Variants in CD109 observed in about 807,000 individuals in gnomAD.
CD109 encodes the protein CD109 molecule.
CD109 carries 149 observed loss-of-function variants against 165.8 expected under a neutral mutation model. The observed-to-expected ratio is 0.90, with a 90% confidence interval of 0.79 to 1.03. The LOEUF (loss-of-function observed/expected upper bound fraction) is 1.03. Among genes scored for constraint, CD109 ranks in the 50% least tolerant of loss-of-function variants. The pLI is 0.00. For synonymous variants in CD109, 585 were observed against 592.1 expected (o/e 0.99, Z 0.18); for missense variants, 1,712 against 1,677.8 (o/e 1.02, Z -0.36).
chr6:73,808,235 A>G lies in CD109; in HGVS notation c.3342A>G (p.Arg1114=). ...AKEALNMLTW[R]AEQEGGMQFW... ...AAGCTTTGAATATGCTGACTTGGAG[A>G]GCAGAACAAGAAGGTAATGTGCTGG... The change falls in exon 26 of 33, where the codon AGA becomes AGG. Residue 1114 remains arginine, a synonymous_variant. Coordinates refer to ENST00000287097, the MANE Select transcript of CD109 (RefSeq NM_133493.5). The G allele has an allele frequency of 1.9e-6, 3 of 1,612,800 alleles. No homozygotes were observed. The highest frequency in any genetic ancestry group is 2.5e-6 in the Non-Finnish European group (3 of 1,179,352).
chr6:73,710,930 C>G (rs535666917), intron 2 of CD109, among the ~76,000 whole-genome samples: 1 of 152,306 alleles, frequency 6.6e-6, no homozygotes, highest in Admixed American at 6.5e-5. Flanking sequence ...ACCAGCAGAA[C>G]TTTATTTATG....
At chr6:73,822,594 A>C (rs961140194) in intron 32 of CD109, among the ~76,000 whole-genome samples, 1 of 152,202 alleles carries the variant, frequency 6.6e-6, no homozygotes, top group Non-Finnish European at 1.5e-5. Context: ...CAACTTTATT[A>C]CTTTACTTAG....
chr6:73,708,975 C>A (rs1771416335), intron 2 of CD109, among the ~76,000 whole-genome samples: 1 of 152,124 alleles, frequency 6.6e-6, no homozygotes. Flanking sequence ...ATGGTAGTTT[C>A]TTTTGCTGTG....
At chr6:73,737,601 T>C (rs893196979) in intron 5 of CD109, among the ~76,000 whole-genome samples, 2 of 152,254 alleles carry the variant, frequency 1.3e-5, no homozygotes, top group Admixed American at 6.5e-5. Flanking sequence ...GCTTATTTCC[T>C]TACTTATAAC....
intron 2 of CD109, among the ~76,000 whole-genome samples, chr6:73,698,998 ATAT>A (rs1354385529): frequency 6.6e-6 from 1 of 152,216 alleles, no homozygotes; most frequent in Non-Finnish European, 1.5e-5. Context: ...ACAATTGCTA[ATAT>A]TATTAGTGTA....
In CD109 at chr6:73,826,492, C is replaced by T. The variant is rs1316276075; in HGVS notation, c.*2859C>T. 1.3e-5 allele frequency: 2 copies of T among 152,132 alleles called. No individual in the cohort carries two copies. The highest frequency in any genetic ancestry group is 6.6e-5 in the Admixed American group (1 of 15,260). 9.4% of individuals were successfully genotyped at this position (152,132 alleles called of 1,614,324 possible). On this transcript the variant is annotated 3_prime_UTR_variant, in exon 33 of 33. Transcript: ENST00000287097. ...ATGTTGGGAAAACCTAGTAGCCAAA[C>T]AATTCTAGGACAGAATAACATTTTT...
chr6:73,810,084 C>T lies in CD109; in HGVS notation c.3456C>T (p.His1152=). The T allele has an allele frequency of 1.9e-6, 3 of 1,610,654 alleles. No individual in the cohort carries two copies. The highest frequency in any genetic ancestry group is 2.5e-6 in the Non-Finnish European group (3 of 1,178,870). The change falls in exon 27 of 33, where the codon CAC becomes CAT. Residue 1152 remains histidine (H), a synonymous_variant. Transcript: ENST00000287097. ...IEVAAYALLS[H]FLQFQTSEGI... ...TTGCAGCCTATGCACTGCTCTCACACTTCTTACAATTTCAGACTTCTGAGG... is the reference window on the plus strand; with the variant it reads ...TTGCAGCCTATGCACTGCTCTCACATTTCTTACAATTTCAGACTTCTGAGG...
intron 2 of CD109, 63 bp downstream of exon 2, chr6:73,697,635 C>T: frequency 6.8e-7 from 1 of 1,473,652 alleles, no homozygotes. Flanking sequence ...TTAATAAGGT[C>T]ATGTGTTAGG....
chr6:73,804,085 T>C (rs1429340678), intron 24 of CD109: 2 of 152,156 alleles, frequency 1.3e-5, no homozygotes, highest in African/African-American at 4.8e-5. Context: ...TCATCCTGAG[T>C]GTATCATTTC....
chr6:73,737,062 T>C (rs562952713), intron 5 of CD109, among the ~76,000 whole-genome samples: 11 of 152,306 alleles, frequency 7.2e-5, no homozygotes, highest in Non-Finnish European at 1.3e-4. Flanking sequence ...GGGGCATTCA[T>C]TGGAATGAAT....
chr6:73,788,540 CT>C lies in CD109; in HGVS notation c.2630del (p.Leu877ArgfsTer4), dbSNP rs1774786828. On this transcript the variant is annotated frameshift_variant, in exon 22 of 33. Coordinates refer to ENST00000287097, the MANE Select transcript of CD109 (RefSeq NM_133493.5). LOFTEE classifies it high-confidence loss of function. ...GACTGACAATAGGCTACAGAGTACC[CT>C]GAAAACTTTGAGTTTCTCATTTCCT... Reference protein sequence around the residue: ...DLTDNRLQSTLKTLSFSFPPN... With the variant: ...DLTDNRLQSTXKTLSFSFPPN... 1 of 1,613,092 alleles carries C rather than the reference CT, an allele frequency of 6.2e-7. No individual in the cohort carries two copies. Among genetic ancestry groups the C allele is most frequent in the South Asian group, 1.1e-5 (1 of 90,952 alleles).
chr6:73,710,214 T>C (rs1027178500), intron 2 of CD109, among the ~76,000 whole-genome samples: 1 of 152,176 alleles, frequency 6.6e-6, no homozygotes, highest in African/African-American at 2.4e-5. Flanking sequence ...GCCCAAAATC[T>C]CCTTAAGCTG....
At chr6:73,743,125 G>C (rs1022050854) in intron 5 of CD109, among the ~76,000 whole-genome samples, 2 of 152,196 alleles carry the variant, frequency 1.3e-5, no homozygotes, top group Non-Finnish European at 2.9e-5. Context: ...CAGCTCAGTA[G>C]AGCTCCCCAG....
chr6:73,705,938 C>T (rs1771250631), intron 2 of CD109, among the ~76,000 whole-genome samples: 1 of 152,052 alleles, frequency 6.6e-6, no homozygotes, highest in Non-Finnish European at 1.5e-5. Flanking sequence ...GGTGGACGGT[C>T]TCTCAAAAGG....
chr6:73,739,041 C>T (rs1012973010), intron 5 of CD109, among the ~76,000 whole-genome samples: 3 of 152,194 alleles, frequency 2.0e-5, no homozygotes, highest in Admixed American at 2.0e-4. Flanking sequence ...CCTCTCTATT[C>T]CTGGGACCAA....
At chr6:73,771,199 A>G (rs1049287747) in intron 14 of CD109, among the ~76,000 whole-genome samples, 2 of 152,228 alleles carry the variant, frequency 1.3e-5, no homozygotes, top group South Asian at 4.1e-4. Flanking sequence ...ATACAGAATT[A>G]AAGAATAATT....
chr6:73,828,158 CTG>C lies in CD109; in HGVS notation c.*4527_*4528del, dbSNP rs1200242050. On this transcript the variant is annotated 3_prime_UTR_variant, in exon 33 of 33. Transcript: ENST00000287097. ...AGCTGTTTTGCATATGAGAAGAACACTGTTGAAATAAGGAACTAAAGCTTTAT... is the reference window on the plus strand; with the variant it reads ...AGCTGTTTTGCATATGAGAAGAACACTTGAAATAAGGAACTAAAGCTTTAT... The C allele has an allele frequency of 7.1e-5, 11 of 154,708 alleles. No individual in the cohort carries two copies. Among genetic ancestry groups the C allele is most frequent in the African/African-American group, 2.4e-4 (10 of 41,488 alleles). The allele number at this position is 154,708 out of a possible 1,614,324, so 9.6% of individuals were successfully genotyped here.
chr6:73,703,468 A>C (rs527257803), intron 2 of CD109, among the ~76,000 whole-genome samples: 1 of 152,202 alleles, frequency 6.6e-6, no homozygotes, highest in Non-Finnish European at 1.5e-5. Context: ...GAGGTGAGGC[A>C]TGGGATCTGG....
chr6:73,810,029 C>T lies in CD109; in HGVS notation c.3401C>T (p.Ser1134Phe). The T allele has an allele frequency of 6.2e-7, 1 of 1,601,036 alleles. No homozygotes were observed. The highest frequency in any genetic ancestry group is 1.1e-5 in the South Asian group (1 of 88,942). Residue 1134 changes from serine to phenylalanine, a missense_variant, in exon 27 of 33, where the codon TCC (serine) becomes TTC (phenylalanine). Physicochemically the swap from Ser to Phe is radical, Grantham distance 155. Transcript: ENST00000287097. Reference sequence around the variant, plus strand: ...TCATCAGAGTCCAAACTTTCTGACTCCTGGCAGCCACGCTCCCTGGATATT... The same window carrying T: ...TCATCAGAGTCCAAACTTTCTGACTTCTGGCAGCCACGCTCCCTGGATATT... ...WVSSESKLSD[S>F]WQPRSLDIEV...
Sources: gnomAD v4.1 joint callset for allele counts (sites outside exome capture counted in the v4.1 genomes callset) on GRCh38, gnomAD v4.1.1 for gene constraint, MANE v1.5 for transcripts, NCBI Gene and HGNC (gene_info 2026-07-23, HGNC 2026-07-21) for gene names.